DPY19L3: variants seen among roughly 807,000 people sequenced by gnomAD.
The protein encoded by DPY19L3 is protein C-mannosyl-transferase DPY19L3.
In DPY19L3, 51 loss-of-function variants were observed where a neutral mutation model predicts 92.3. That is an observed-to-expected ratio of 0.55 (90% CI 0.44 to 0.70). The LOEUF (loss-of-function observed/expected upper bound fraction) is 0.70, where lower values mean the gene tolerates loss of function less well. Among genes scored for constraint, DPY19L3 ranks in the 30% least tolerant of loss-of-function variants. The pLI is 0.00. For missense variants in DPY19L3, 706 were observed against 855.9 expected, an observed-to-expected ratio of 0.82 and a Z score of 2.18; for synonymous variants, 309 against 315.2, an observed-to-expected ratio of 0.98 and a Z score of 0.21.
At chr19:32,444,956 G>C (rs988338098) in intron 8 of DPY19L3, among the ~76,000 whole-genome samples, 16 of 151,562 alleles carry the variant, frequency 1.1e-4, no homozygotes, top group African/African-American at 3.9e-4. Context: ...GCCAGGCATG[G>C]TAGCAACGTG....
intron 16 of DPY19L3, chr19:32,469,239 G>C (rs897387792): frequency 6.4e-6 from 1 of 156,588 alleles, no homozygotes; most frequent in Non-Finnish European, 1.4e-5. Context: ...GCTCACGCCT[G>C]TAATCCCAGC....
At chr19:32,468,566 G>T in intron 15 of DPY19L3, 165 bp from the exon 16 acceptor site, 1 of 1,315,802 alleles carries the variant, frequency 7.6e-7, no homozygotes, top group South Asian at 2.2e-5. Flanking sequence ...TAGTTCCCTT[G>T]TATTAGGAGG....
chr19:32,474,811 G>A (rs1328025179), intron 16 of DPY19L3, among the ~76,000 whole-genome samples: 1 of 151,982 alleles, frequency 6.6e-6, no homozygotes, highest in Non-Finnish European at 1.5e-5. Context: ...GCTGGTCTCA[G>A]GCTCCTGACC....
In DPY19L3 at chr19:32,432,732, T is replaced by C; in HGVS notation, c.254T>C (p.Ile85Thr). The C allele has an allele frequency of 6.2e-7, 1 of 1,613,732 alleles. No homozygotes were observed. Among genetic ancestry groups the C allele is most frequent in the Non-Finnish European group, 8.5e-7 (1 of 1,179,846 alleles). The change falls in exon 4 of 19, where the codon ATC (isoleucine) becomes ACC (threonine). Residue 85 changes from isoleucine to threonine, a missense_variant. Coordinates refer to ENST00000392250, the MANE Select transcript of DPY19L3 (RefSeq NM_001172774.2). Reference protein sequence around the residue: ...FSNIKEVEREISFRTECGLYY... With the variant: ...FSNIKEVERETSFRTECGLYY... Reference sequence around the variant, plus strand: ...CTGTTTTAGGAAGTGGAGCGAGAAATCTCATTCAGAACAGAGTGTGGCCTG... The same window carrying C: ...CTGTTTTAGGAAGTGGAGCGAGAAACCTCATTCAGAACAGAGTGTGGCCTG...
intron 3 of DPY19L3, among the ~76,000 whole-genome samples, chr19:32,429,507 C>T (rs1968888594): frequency 6.6e-6 from 1 of 152,208 alleles, no homozygotes; most frequent in African/African-American, 2.4e-5. Context: ...TGTTTGAATG[C>T]ATTTTTACTA....
intron 3 of DPY19L3, among the ~76,000 whole-genome samples, chr19:32,424,593 G>A (rs1968694903): frequency 6.6e-6 from 1 of 151,722 alleles, no homozygotes; most frequent in South Asian, 2.1e-4. Flanking sequence ...TCATGCCGTT[G>A]TGCTCCAGCC....
At chr19:32,441,575 A>G (rs1969326461) in intron 8 of DPY19L3, among the ~76,000 whole-genome samples, 1 of 149,048 alleles carries the variant, frequency 6.7e-6, no homozygotes. Flanking sequence ...TTGGCTCACT[A>G]CAACCTCCAC....
chr19:32,407,755 T>C (rs1299630842), intron 1 of DPY19L3, among the ~76,000 whole-genome samples: 1 of 152,180 alleles, frequency 6.6e-6, no homozygotes, highest in East Asian at 1.9e-4. Context: ...ATTTGAATTG[T>C]GTTTTGAGTG....
chr19:32,439,720 G>T, intron 7 of DPY19L3, 56 bp from the exon 8 acceptor site: 1 of 1,573,798 alleles, frequency 6.4e-7, no homozygotes, highest in Non-Finnish European at 8.6e-7. Context: ...AAACTTGTCT[G>T]CAAGGTTTTT....
intron 3 of DPY19L3, among the ~76,000 whole-genome samples, chr19:32,426,420 C>T (rs1473912713): frequency 6.6e-6 from 1 of 152,200 alleles, no homozygotes; most frequent in South Asian, 2.1e-4. Context: ...CAACTTGGCT[C>T]TTTGGCACAG....
chr19:32,444,480 C>CT (rs1350382257), intron 8 of DPY19L3, among the ~76,000 whole-genome samples: 1 of 152,114 alleles, frequency 6.6e-6, no homozygotes. Flanking sequence ...AATGAAAAGT[C>CT]TAACATTCAG....
chr19:32,455,399 T>C (rs548818588), intron 10 of DPY19L3, among the ~76,000 whole-genome samples: 1 of 152,364 alleles, frequency 6.6e-6, no homozygotes, highest in South Asian at 2.1e-4. Flanking sequence ...ATTTTAGTCA[T>C]TAATTTCTAT....
intron 1 of DPY19L3, among the ~76,000 whole-genome samples, chr19:32,407,384 A>G (rs1968007820): frequency 6.6e-6 from 1 of 151,310 alleles, no homozygotes; most frequent in Non-Finnish European, 1.5e-5. Context: ...ATTGTTTTAT[A>G]GAACACTGGT....
intron 3 of DPY19L3, chr19:32,427,888 C>T (rs1968818156): frequency 1.3e-5 from 2 of 150,854 alleles, no homozygotes; most frequent in South Asian, 4.2e-4. Context: ...AAACAGATTA[C>T]ATTTATAAAG....
Position 32,439,184 on chromosome 19 carries a change from G to A in DPY19L3, c.669G>A (p.Gln223=). 1.9e-6 allele frequency: 3 copies of A among 1,613,638 alleles called. No homozygotes were observed. The highest frequency in any genetic ancestry group is 2.2e-5 in the South Asian group (2 of 91,036). The change falls in exon 7 of 19, where the codon CAG becomes CAA. Residue 223 remains glutamine (Q), a synonymous_variant. Coordinates refer to ENST00000392250, the MANE Select transcript of DPY19L3 (RefSeq NM_001172774.2). The part of the protein sequence containing the change: ...ENWALPFFAI[Q]IAAITYFLRP... ...GGGCGCTGCCATTCTTTGCAATTCA[G>A]ATAGCAGCAATTACATATTTCCTGA...
chr19:32,421,813 G>A (rs1968581316), intron 3 of DPY19L3, among the ~76,000 whole-genome samples: 1 of 152,042 alleles, frequency 6.6e-6, no homozygotes, highest in Non-Finnish European at 1.5e-5. Context: ...ACTCTGCTAT[G>A]AAGAACAGCA....
chr19:32,467,544 T>C, intron 15 of DPY19L3: 2 of 987,560 alleles, frequency 2.0e-6, no homozygotes, highest in Non-Finnish European at 2.4e-6. Flanking sequence ...GGAGACAAGA[T>C]TTGAATGAGC....
At chr19:32,470,972 A>G (rs1970341920) in intron 16 of DPY19L3, among the ~76,000 whole-genome samples, 1 of 152,146 alleles carries the variant, frequency 6.6e-6, no homozygotes, top group African/African-American at 2.4e-5. Context: ...TGTATGCCAA[A>G]ATAGGGTCTA....
At chr19:32,411,489 G>C in intron 3 of DPY19L3, 117 bp downstream of exon 3, 1 of 1,048,800 alleles carries the variant, frequency 9.5e-7, no homozygotes, top group Non-Finnish European at 1.4e-6. Context: ...TCTCTAGAAA[G>C]GTTGGACTAT....
Sources: gnomAD v4.1 joint callset for allele counts (sites outside exome capture counted in the v4.1 genomes callset) on GRCh38, gnomAD v4.1.1 for gene constraint, MANE v1.5 for transcripts, NCBI Gene and HGNC (gene_info 2026-07-23, HGNC 2026-07-21) for gene names.